SHANK2: variants seen among roughly 807,000 people sequenced by gnomAD.
SHANK2 encodes SH3 and multiple ankyrin repeat domains protein 2.
In SHANK2, 43 loss-of-function variants were observed where a neutral mutation model predicts 133.7. That is an observed-to-expected ratio of 0.32 (90% CI 0.25 to 0.41). The LOEUF is 0.41. Among genes scored for constraint, SHANK2 ranks in the 10% least tolerant of loss-of-function variants. The pLI, the probability that SHANK2 is intolerant of heterozygous loss-of-function variation, is 1.00. For missense variants in SHANK2, 1,994 were observed against 2,235.8 expected (o/e 0.89, Z 2.18); for synonymous variants, 1,017 against 952.8 (o/e 1.07, Z -1.24).
chr11:71,057,838 C>T (rs958894709), intron 9 of SHANK2, among the ~76,000 whole-genome samples: 9,208 of 150,142 alleles, frequency 0.061, 947 homozygotes, highest in African/African-American at 0.21. Context: ...CGTGAACCAC[C>T]ATGCCTGACC....
intron 4 of SHANK2, among the ~76,000 whole-genome samples, chr11:71,116,512 C>T (rs1178100761): frequency 1.3e-5 from 2 of 152,208 alleles, no homozygotes; most frequent in East Asian, 1.9e-4. Context: ...TGGAGGGAGG[C>T]CCAGGAGCTT....
intron 14 of SHANK2, among the ~76,000 whole-genome samples, chr11:70,715,652 T>A (rs782755716): frequency 2.0e-5 from 3 of 152,242 alleles, no homozygotes; most frequent in Non-Finnish European, 2.9e-5. Flanking sequence ...TACCAATACA[T>A]CGAGCCAAAC....
chr11:70,707,751 C>T (rs1012414263), intron 14 of SHANK2, among the ~76,000 whole-genome samples: 3 of 152,278 alleles, frequency 2.0e-5, no homozygotes, highest in Non-Finnish European at 2.9e-5. Context: ...CGTCGAGTCA[C>T]GTTGGCTACT....
intron 11 of SHANK2, among the ~76,000 whole-genome samples, chr11:70,885,958 C>T (rs1354092783): frequency 1.3e-5 from 2 of 152,164 alleles, no homozygotes; most frequent in Non-Finnish European, 2.9e-5. Context: ...GAAAGTAGGA[C>T]CACAGCAACA....
intron 23 of SHANK2, chr11:70,490,058 C>T: frequency 2.5e-6 from 1 of 404,934 alleles, no homozygotes; most frequent in Non-Finnish European, 4.7e-6. Flanking sequence ...ATTTTGTGTC[C>T]TTCAGGGGGG....
intron 11 of SHANK2, among the ~76,000 whole-genome samples, chr11:70,862,161 A>G (rs970996706): frequency 1.5e-4 from 23 of 152,150 alleles, no homozygotes; most frequent in African/African-American, 5.3e-4. Context: ...AACTGATGGC[A>G]CACCTGCCCA....
intron 13 of SHANK2, among the ~76,000 whole-genome samples, chr11:70,803,236 T>C (rs1292939587): frequency 6.9e-6 from 1 of 145,542 alleles, no homozygotes; most frequent in Admixed American, 7.0e-5. Flanking sequence ...TCACCACCTA[T>C]CCAACTACCC....
At chr11:70,644,643 A>G (rs1434963972) in intron 17 of SHANK2, among the ~76,000 whole-genome samples, 1 of 152,208 alleles carries the variant, frequency 6.6e-6, no homozygotes, top group Non-Finnish European at 1.5e-5. Flanking sequence ...ACACCTTTCC[A>G]ACATGCATTC....
chr11:71,149,541 T>A (rs551619842), intron 2 of SHANK2, among the ~76,000 whole-genome samples: 130 of 139,390 alleles, frequency 9.3e-4, no homozygotes, highest in South Asian at 2.8e-3. Flanking sequence ...GTGCTCTATG[T>A]GTTCACAAAC....
chr11:71,183,568 T>A (rs1555114090), intron 2 of SHANK2, among the ~76,000 whole-genome samples: 1 of 152,174 alleles, frequency 6.6e-6, no homozygotes, highest in African/African-American at 2.4e-5. Flanking sequence ...AATCACTACA[T>A]CAATGCATGC....
intron 17 of SHANK2, among the ~76,000 whole-genome samples, chr11:70,519,814 C>T (rs2059308712): frequency 6.6e-6 from 1 of 151,980 alleles, no homozygotes; most frequent in African/African-American, 2.4e-5. Context: ...CAGCTCACTG[C>T]AGCCTTGATC....
Position 71,227,910 on chromosome 11 carries a change from T to C in SHANK2, c.-112-3114A>G, listed in dbSNP as rs140668792. Among the ~76,000 whole-genome samples, 1,115 of 150,568 alleles carry C rather than the reference T, an allele frequency of 7.4e-3. 9 individuals carry two copies. The highest frequency in any genetic ancestry group is 0.026 in the African/African-American group (1,050 of 40,916). ...CAGAAGGAAGAAAATAATAAACATA[T>C]GAGTGGGAAAAAATGAACAGGAAAC... On this transcript the variant is annotated intron_variant, in intron 1 of 25. Transcript: ENST00000601538.
chr11:71,130,348 C>G (rs1283435223), intron 3 of SHANK2, among the ~76,000 whole-genome samples: 24 of 152,134 alleles, frequency 1.6e-4, no homozygotes, highest in African/African-American at 5.3e-4. Flanking sequence ...AAGTATCCGG[C>G]CTGCCAGGGT....
At chr11:70,603,837 G>A (rs564458285) in intron 17 of SHANK2, 4 of 152,750 alleles carry the variant, frequency 2.6e-5, no homozygotes, top group African/African-American at 7.2e-5. Context: ...CCAGGGGACA[G>A]GCAGAGACCT....
chr11:71,087,159 G>A (rs1459442115), intron 8 of SHANK2, among the ~76,000 whole-genome samples: 7 of 152,306 alleles, frequency 4.6e-5, no homozygotes, highest in Non-Finnish European at 7.3e-5. Flanking sequence ...AATGCAAAGC[G>A]CAGGGCCTCA....
chr11:71,085,876 T>TA (rs1951393386), intron 8 of SHANK2, among the ~76,000 whole-genome samples: 8 of 154 alleles, frequency 0.052, 1 homozygote, highest in African/African-American at 0.1. Context: ...ATATTATATA[T>TA]TTATATAACC....
intron 11 of SHANK2, among the ~76,000 whole-genome samples, chr11:70,837,232 G>A (rs1409686887): frequency 1.3e-5 from 2 of 152,204 alleles, no homozygotes; most frequent in South Asian, 2.1e-4. Context: ...ACAGGCCACT[G>A]CCCCTTACAG....
At chr11:70,636,485 G>A (rs989580991) in intron 17 of SHANK2, among the ~76,000 whole-genome samples, 2 of 150,748 alleles carry the variant, frequency 1.3e-5, no homozygotes, top group Admixed American at 6.6e-5. Context: ...GTGTAAGCAC[G>A]TGTGTGAACA....
intron 1 of SHANK2, among the ~76,000 whole-genome samples, chr11:71,245,108 G>A (rs959158644): frequency 7.9e-5 from 12 of 151,998 alleles, no homozygotes; most frequent in Non-Finnish European, 2.9e-5. Context: ...AGCTTCCTGA[G>A]TAGCTGGGAC....
Sources: gnomAD v4.1 joint callset for allele counts (sites outside exome capture counted in the v4.1 genomes callset) on GRCh38, gnomAD v4.1.1 for gene constraint, MANE v1.5 for transcripts, NCBI Gene and HGNC (gene_info 2026-07-23, HGNC 2026-07-21) for gene names.